The following KIAA1328 variants were observed in gnomAD, a reference collection of about 807,000 sequenced individuals.
KIAA1328 encodes the protein KIAA1328.
KIAA1328 carries 52 observed loss-of-function variants against 68.1 expected under a neutral mutation model. That is an observed-to-expected ratio of 0.76 (90% CI 0.61 to 0.96). KIAA1328 has a LOEUF of 0.96. KIAA1328 is among the 40% of genes least tolerant of loss of function. KIAA1328 has a pLI of 0.00. For synonymous variants in KIAA1328, 232 were observed against 239.4 expected (o/e 0.97, Z 0.28); for missense variants, 641 against 677.6 (o/e 0.95, Z 0.60).
In KIAA1328 at chr18:36,938,205, T is replaced by A. The variant is rs1270720142; in HGVS notation, c.449-21103T>A. ...GCTTTCCATAATGGCTCTGTTAATT[T>A]ACATTCGCAAGAACAGTTCACACAG... On this transcript the variant is annotated intron_variant, in intron 5 of 9. Transcript: ENST00000280020. Among the ~76,000 whole-genome samples, 4 of 152,292 alleles carry A rather than the reference T, an allele frequency of 2.6e-5. No individual in the cohort carries two copies. The East Asian group carries it at 7.7e-4, about 29-fold the overall frequency.
chr18:36,912,612 C>A (rs2049499550), intron 5 of KIAA1328, among the ~76,000 whole-genome samples: 1 of 152,100 alleles, frequency 6.6e-6, no homozygotes, highest in Non-Finnish European at 1.5e-5. Flanking sequence ...CCTTCTGGCC[C>A]CCAGAGATTT....
intron 6 of KIAA1328, among the ~76,000 whole-genome samples, chr18:37,022,827 T>C (rs866851261): frequency 7.9e-5 from 12 of 152,194 alleles, no homozygotes; most frequent in African/African-American, 2.7e-4. Context: ...CAGATGAGAA[T>C]CATATTAAGA....
At chr18:37,103,858 G>T (rs918921249) in intron 7 of KIAA1328, among the ~76,000 whole-genome samples, 4 of 149,396 alleles carry the variant, frequency 2.7e-5, no homozygotes, top group East Asian at 2.0e-4. Context: ...AAAAGACAAA[G>T]AACTGAATAG....
chr18:37,215,452 ATTGAT>A (rs1409510364), intron 9 of KIAA1328, among the ~76,000 whole-genome samples: 1 of 152,176 alleles, frequency 6.6e-6, no homozygotes, highest in Non-Finnish European at 1.5e-5. Flanking sequence ...GATTACATTT[ATTGAT>A]TTGCGTATGT....
intron 6 of KIAA1328, among the ~76,000 whole-genome samples, chr18:36,968,321 AG>A (rs1333101176): frequency 1.3e-5 from 2 of 152,224 alleles, no homozygotes; most frequent in Non-Finnish European, 2.9e-5. Flanking sequence ...GGCACAGAGT[AG>A]CAAACTGAAT....
intron 9 of KIAA1328, among the ~76,000 whole-genome samples, chr18:37,183,170 T>G (rs1022787042): frequency 3.3e-5 from 5 of 151,866 alleles, no homozygotes; most frequent in Admixed American, 2.6e-4. Context: ...ATTGTGTGTG[T>G]TTTTTTTGGG....
intron 6 of KIAA1328, among the ~76,000 whole-genome samples, chr18:36,970,722 AC>A (rs1481605744): frequency 1.3e-5 from 2 of 152,166 alleles, no homozygotes; most frequent in African/African-American, 4.8e-5. Context: ...ATAATAAAAT[AC>A]CTAGGTATCC....
intron 7 of KIAA1328, among the ~76,000 whole-genome samples, chr18:37,099,936 C>T (rs199639585): frequency 6.1e-4 from 93 of 152,194 alleles, no homozygotes; most frequent in African/African-American, 2.2e-3. Context: ...TGGTAGATCT[C>T]CCTCCATCCC....
intron 6 of KIAA1328, among the ~76,000 whole-genome samples, chr18:36,981,099 T>C (rs2151373174): frequency 6.6e-6 from 1 of 152,340 alleles, no homozygotes; most frequent in South Asian, 2.1e-4. Flanking sequence ...TTCTTATTAG[T>C]AAAATAATGC....
chr18:37,012,070 CTTGAAAATAAGT>C (rs2053998098), intron 6 of KIAA1328, among the ~76,000 whole-genome samples: 1 of 152,100 alleles, frequency 6.6e-6, no homozygotes, highest in South Asian at 2.1e-4. Context: ...GAATGTAATA[CTTGAAAATAAGT>C]ATATTAAATC....
chr18:37,216,917 G>GA (rs2060449218), intron 9 of KIAA1328, among the ~76,000 whole-genome samples: 2 of 46,358 alleles, frequency 4.3e-5, no homozygotes, highest in Non-Finnish European at 8.9e-5. Context: ...TTTTTTTTTT[G>GA]TCTTTGTTGG....
chr18:37,101,316 C>T (rs1417384945), intron 7 of KIAA1328, among the ~76,000 whole-genome samples: 1 of 152,022 alleles, frequency 6.6e-6, no homozygotes, highest in Non-Finnish European at 1.5e-5. Context: ...GCAGAGAAGT[C>T]CTTAAAGGAC....
intron 6 of KIAA1328, among the ~76,000 whole-genome samples, chr18:36,968,140 G>T (rs955690668): frequency 6.6e-6 from 1 of 151,940 alleles, no homozygotes; most frequent in Non-Finnish European, 1.5e-5. Flanking sequence ...AATATGGAAA[G>T]GAAAGACCAG....
At chr18:37,002,463 T>C (rs182949476) in intron 6 of KIAA1328, among the ~76,000 whole-genome samples, 1 of 151,908 alleles carries the variant, frequency 6.6e-6, no homozygotes, top group Non-Finnish European at 1.5e-5. Flanking sequence ...TTAGTGATCC[T>C]ACCACCTTGC....
At chr18:37,097,870 CTGTT>C (rs1486849001) in intron 7 of KIAA1328, among the ~76,000 whole-genome samples, 35 of 152,052 alleles carry the variant, frequency 2.3e-4, no homozygotes, top group Non-Finnish European at 1.5e-4. Context: ...ATTTGGCTGT[CTGTT>C]TGTCTGTTAT....
intron 6 of KIAA1328, among the ~76,000 whole-genome samples, chr18:37,026,472 C>T (rs1478853329): frequency 1.3e-5 from 2 of 152,160 alleles, no homozygotes; most frequent in African/African-American, 4.8e-5. Flanking sequence ...CAAAAATCCT[C>T]AATAAAATAC....
intron 7 of KIAA1328, among the ~76,000 whole-genome samples, chr18:37,091,342 GA>G (rs2057261887): frequency 6.6e-6 from 1 of 152,144 alleles, no homozygotes; most frequent in Non-Finnish European, 1.5e-5. Context: ...CTCACACCAG[GA>G]AGAACTCCTC....
At chr18:36,855,941 G>A (rs1431354794) in intron 4 of KIAA1328, among the ~76,000 whole-genome samples, 3 of 151,664 alleles carry the variant, frequency 2.0e-5, no homozygotes, top group Non-Finnish European at 4.4e-5. Context: ...TTGAAGGATA[G>A]TTTTGCCAGA....
intron 5 of KIAA1328, among the ~76,000 whole-genome samples, chr18:36,909,012 T>C (rs562439939): frequency 7.3e-4 from 111 of 152,288 alleles, no homozygotes; most frequent in Middle Eastern, 3.4e-3. Flanking sequence ...CCCAGTTCTT[T>C]TTCTGCTTCC....
Sources: allele counts gnomAD v4.1 joint callset (sites outside exome capture counted in the v4.1 genomes callset), GRCh38; gene constraint gnomAD v4.1.1; transcripts MANE v1.5; gene names NCBI Gene and HGNC (gene_info 2026-07-23, HGNC 2026-07-21).